Variants in RORA observed in about 807,000 individuals in gnomAD.
RORA encodes nuclear receptor ROR-alpha.
In RORA, 7 loss-of-function variants were observed where a neutral mutation model predicts 69.5. The ratio of observed to expected loss-of-function variants is 0.10; its 90% CI spans 0.06 to 0.19. The LOEUF (loss-of-function observed/expected upper bound fraction) is 0.19, where lower values mean the gene tolerates loss of function less well. Ranked by LOEUF, RORA falls within the 10% of genes least tolerant of loss-of-function variation. RORA has a pLI of 1.00. For synonymous variants in RORA, 261 were observed against 240.8 expected (o/e 1.08, Z -0.78); for missense variants, 457 against 663.0 (o/e 0.69, Z 3.41).
chr15:60,720,749 A>G (rs1349811332), intron 1 of RORA, among the ~76,000 whole-genome samples: 1 of 152,162 alleles, frequency 6.6e-6, no homozygotes. Flanking sequence ...ATAGCACCAG[A>G]TTTGAATTTT....
At chr15:60,900,307 A>C (rs757105226) in intron 1 of RORA, among the ~76,000 whole-genome samples, 1 of 145,046 alleles carries the variant, frequency 6.9e-6, no homozygotes, top group African/African-American at 2.5e-5. Context: ...AATGATCAGC[A>C]CAGGAAAACA....
intron 3 of RORA, among the ~76,000 whole-genome samples, chr15:60,524,781 G>A (rs1285330614): frequency 1.3e-5 from 2 of 152,222 alleles, no homozygotes; most frequent in African/African-American, 4.8e-5. Flanking sequence ...CTGAGCACCT[G>A]CTCCCTACTA....
At chr15:60,800,263 A>G (rs1335264312) in intron 1 of RORA, among the ~76,000 whole-genome samples, 1 of 152,214 alleles carries the variant, frequency 6.6e-6, no homozygotes, top group African/African-American at 2.4e-5. Flanking sequence ...AAGAAGAATG[A>G]CACGCTGTTC....
chr15:61,171,113 G>A (rs1052195430), intron 1 of RORA, among the ~76,000 whole-genome samples: 3 of 152,188 alleles, frequency 2.0e-5, no homozygotes, highest in African/African-American at 4.8e-5. Context: ...AGGACTTGGC[G>A]ACATGCTGGC....
chr15:60,777,289 C>T (rs1053229612), intron 1 of RORA, among the ~76,000 whole-genome samples: 6 of 152,154 alleles, frequency 3.9e-5, no homozygotes, highest in East Asian at 3.9e-4. Flanking sequence ...GGAAGAAACA[C>T]GGATACGGAG....
At chr15:61,221,835 T>G (rs954332699) in intron 1 of RORA, among the ~76,000 whole-genome samples, 1 of 152,100 alleles carries the variant, frequency 6.6e-6, no homozygotes, top group Non-Finnish European at 1.5e-5. Context: ...ATGCAGAAAC[T>G]TCCTAATTGT....
At chr15:61,210,393 G>A (rs1199555370) in intron 1 of RORA, among the ~76,000 whole-genome samples, 1 of 152,078 alleles carries the variant, frequency 6.6e-6, no homozygotes, top group Non-Finnish European at 1.5e-5. Flanking sequence ...AGGCAATAAG[G>A]CGAGTCTAAG....
At chr15:61,195,164 T>G (rs1457622084) in intron 1 of RORA, among the ~76,000 whole-genome samples, 1 of 152,178 alleles carries the variant, frequency 6.6e-6, no homozygotes, top group Non-Finnish European at 1.5e-5. Flanking sequence ...TTCTTCTGAC[T>G]CTGTAAGATT....
At chr15:60,636,372 A>G (rs919146810) in intron 2 of RORA, among the ~76,000 whole-genome samples, 1 of 152,348 alleles carries the variant, frequency 6.6e-6, no homozygotes, top group Admixed American at 6.5e-5. Context: ...AAAACCTGAG[A>G]AAGGGCAAGA....
chr15:61,167,654 A>G (rs2079550224), intron 1 of RORA, among the ~76,000 whole-genome samples: 2 of 152,160 alleles, frequency 1.3e-5, no homozygotes, highest in Non-Finnish European at 2.9e-5. Flanking sequence ...AGCTTTCCCC[A>G]CACTTATGTT....
intron 1 of RORA, among the ~76,000 whole-genome samples, chr15:60,882,944 A>C (rs1450837293): frequency 6.6e-6 from 1 of 152,024 alleles, no homozygotes; most frequent in Non-Finnish European, 1.5e-5. Flanking sequence ...CAGCCTGGCC[A>C]ACATGGTGAA....
At chr15:60,850,107 G>A (rs1180925662) in intron 1 of RORA, among the ~76,000 whole-genome samples, 1 of 152,164 alleles carries the variant, frequency 6.6e-6, no homozygotes, top group African/African-American at 2.4e-5. Context: ...TCCCAGGGAG[G>A]AGAATCAACA....
chr15:61,087,306 T>C (rs1427636608), intron 1 of RORA, among the ~76,000 whole-genome samples: 1 of 152,242 alleles, frequency 6.6e-6, no homozygotes, highest in Non-Finnish European at 1.5e-5. Context: ...ATAACATGTA[T>C]ACTCCAACCA....
chr15:60,511,210 G>T lies in RORA; in HGVS notation c.820+16C>A. ...GCATGAATAGAGCATCCCAGGAGAA[G>T]CATGCATGCCATTACCTAATTCTGC... is the stretch of plus-strand genomic sequence containing the variant. On this transcript the variant is annotated intron_variant, in intron 5 of 10. Coordinates refer to ENST00000335670, the MANE Select transcript of RORA (RefSeq NM_134261.3). The surrounding 1 kb of genome is among the most constrained non-coding windows in gnomAD (Gnocchi z 6.4). 6.3e-7 allele frequency: 1 copy of T among 1,599,906 alleles called. No individual in the cohort carries two copies. Among genetic ancestry groups the T allele is most frequent in the African/African-American group, 1.3e-5 (1 of 74,882 alleles).
intron 1 of RORA, among the ~76,000 whole-genome samples, chr15:61,180,321 TC>T (rs370621524): frequency 6.6e-6 from 1 of 152,206 alleles, no homozygotes; most frequent in African/African-American, 2.4e-5. Flanking sequence ...TATTTCCATT[TC>T]AGAGAAATAA....
rs1245575626 is a variant in RORA at position 60,809,166 on chromosome 15, T to C, written c.167-130480A>G. On this transcript the variant is annotated intron_variant, in intron 1 of 10. Coordinates refer to ENST00000335670, the MANE Select transcript of RORA (RefSeq NM_134261.3). Reference sequence around the variant, plus strand: ...ACGCCACTTGTTCCCCCAAAACCCATTGAAAAAATAAATTAAAAAATGTAA... The same window carrying C: ...ACGCCACTTGTTCCCCCAAAACCCACTGAAAAAATAAATTAAAAAATGTAA... Among the ~76,000 whole-genome samples the C allele has an allele frequency of 5.6e-5, 8 of 142,524 alleles. No homozygotes were observed. The South Asian group carries it at 6.4e-4, about 11-fold the overall frequency. The allele number at this position is 142,524 out of a possible 152,430, so 93.5% of individuals were successfully genotyped here.
intron 1 of RORA, among the ~76,000 whole-genome samples, chr15:60,960,894 C>T (rs113940859): frequency 1.3e-5 from 2 of 152,150 alleles, no homozygotes; most frequent in African/African-American, 4.8e-5. Context: ...GAGACCGACA[C>T]CATTGTTATC....
At chr15:60,987,016 C>T (rs1332208730) in intron 1 of RORA, among the ~76,000 whole-genome samples, 5 of 152,158 alleles carry the variant, frequency 3.3e-5, no homozygotes, top group East Asian at 3.8e-4. Context: ...TCAGCTACTT[C>T]GGATGTCCAG....
rs557239554 is a variant in RORA, at chr15:61,166,132, C to T, written c.166+62921G>A. Among the ~76,000 whole-genome samples, 11 of 152,224 alleles carry T rather than the reference C, an allele frequency of 7.2e-5. No homozygotes were observed. In the South Asian group the frequency reaches 8.3e-4, roughly 11 times the overall value. Reference sequence around the variant, plus strand: ...GTATGTGGAAGAGAAATGTAGCAAACGTAAAGACTGATGCCATCTTTCACT... The same window carrying T: ...GTATGTGGAAGAGAAATGTAGCAAATGTAAAGACTGATGCCATCTTTCACT... On this transcript the variant is annotated intron_variant, in intron 1 of 10. Transcript: ENST00000335670.
Sources: gnomAD v4.1 joint callset for allele counts (sites outside exome capture counted in the v4.1 genomes callset) on GRCh38, gnomAD v4.1.1 for gene constraint, Gnocchi (gnomAD v3.1) non-coding constraint, MANE v1.5 for transcripts, NCBI Gene and HGNC (gene_info 2026-07-23, HGNC 2026-07-21) for gene names.